The following GNAT2 variants were observed in gnomAD, a reference collection of about 807,000 sequenced individuals.
GNAT2 encodes the protein G protein subunit alpha transducin 2.
A neutral mutation model predicts 40.9 loss-of-function variants in GNAT2; 32 were observed. The ratio of observed to expected loss-of-function variants is 0.78; its 90% CI spans 0.59 to 1.05. The LOEUF (loss-of-function observed/expected upper bound fraction) is 1.05. Ranked by LOEUF, GNAT2 falls within the 50% of genes least tolerant of loss-of-function variation. GNAT2 has a pLI of 0.00. For missense variants in GNAT2, 355 were observed against 431.5 expected, an observed-to-expected ratio of 0.82 and a Z score of 1.57; for synonymous variants, 141 against 157.2, an observed-to-expected ratio of 0.90 and a Z score of 0.77.
At chr1:109,607,949 G>T in intron 5 of GNAT2, 1 of 161,892 alleles carries the variant, frequency 6.2e-6, no homozygotes, top group Non-Finnish European at 1.4e-5. Flanking sequence ...GAGACAGATG[G>T]TTAGGTTAAA....
intron 1 of GNAT2, among the ~76,000 whole-genome samples, chr1:109,618,853 C>T (rs1650036519): frequency 6.6e-6 from 1 of 152,024 alleles, no homozygotes; most frequent in African/African-American, 2.4e-5. Flanking sequence ...GAAAAGGGTT[C>T]AGGGTCCAGA....
intron 7 of GNAT2, 195 bp from the exon 8 acceptor site, chr1:109,604,299 TG>T (rs1209357835): frequency 3.3e-6 from 2 of 598,662 alleles, no homozygotes; most frequent in Admixed American, 2.8e-5. Context: ...CTAATAGCTG[TG>T]TGACTTGTGG....
rs1649580631 is a variant in GNAT2 at position 109,606,027 on chromosome 1, G to A, written c.663C>T (p.Ile221=). 6.2e-7 allele frequency: 1 copy of A among 1,612,476 alleles called. No individual in the cohort carries two copies. The highest frequency in any genetic ancestry group is 1.1e-5 in the South Asian group (1 of 91,050). Reference sequence around the variant, plus strand: ...AGGCACTGAGGGCTGCACAGAAAATGATGCAGGTGACTCCCTCGAAGCAGT... The same window carrying A: ...AGGCACTGAGGGCTGCACAGAAAATAATGCAGGTGACTCCCTCGAAGCAGT... ...WIHCFEGVTC[I]IFCAALSAYD... Residue 221 remains isoleucine, a synonymous_variant, in exon 7 of 9, where the codon ATC becomes ATT. Coordinates refer to ENST00000679935, the MANE Select transcript of GNAT2 (RefSeq NM_001377295.2).
At chr1:109,611,644 T>A (rs1014040878) in intron 2 of GNAT2, 1 of 152,146 alleles carries the variant, frequency 6.6e-6, no homozygotes, top group Non-Finnish European at 1.5e-5. Context: ...GAGTTTATAC[T>A]ACCCTAATGC....
At position 109,608,778 on chromosome 1, in the gene GNAT2, C is replaced by T. The variant is rs759770362; in HGVS notation, c.314G>A (p.Arg105Gln). 1.3e-5 allele frequency: 21 copies of T among 1,613,746 alleles called. No homozygotes were observed. Among genetic ancestry groups the T allele is most frequent in the Admixed American group, 5.0e-5 (3 of 60,002 alleles). ...YAEPSCADDG[R>Q]QLNNLADSIE... ...GGAGTCAGCCAGGTTGTTGAGCTGTCGCCCGTCATCCTGTAATGCAGAAAC... is the reference window on the plus strand; with the variant it reads ...GGAGTCAGCCAGGTTGTTGAGCTGTTGCCCGTCATCCTGTAATGCAGAAAC... The change falls in exon 5 of 9, where the codon CGA becomes CAA. Residue 105 changes from arginine (R) to glutamine (Q), a missense_variant. By Grantham distance (43) the Arg-to-Gln change is conservative (BLOSUM62 1). Transcript: ENST00000679935.
chr1:109,612,530 A>G lies in GNAT2; in HGVS notation c.118+223T>C. 8 of 561,550 alleles carry G rather than the reference A, an allele frequency of 1.4e-5. No individual in the cohort carries two copies. The South Asian group carries it at 1.5e-4, about 11-fold the overall frequency. 34.8% of individuals were successfully genotyped at this position (561,550 alleles called of 1,614,324 possible). A position where few individuals can be genotyped will look rare whatever the true frequency, so the allele number is the denominator to read the frequency against. On this transcript the variant is annotated intron_variant, in intron 2 of 8. Coordinates refer to ENST00000679935, the MANE Select transcript of GNAT2 (RefSeq NM_001377295.2). ...CACTATTCCTCGCTCAAGAGTAGAA[A>G]AACTCTGGAATAGCCTTGGCATTCT...
chr1:109,604,009 G>T lies in GNAT2; in HGVS notation c.816C>A (p.Asp272Glu), dbSNP rs913170121. ...CTTTCTTGATTTTTTCCTCAAAGAG[G>T]TCCTTCTTGTTGAGAAAGAGGACAA... ...TSIVLFLNKK[D>E]LFEEKIKKVH... The change falls in exon 8 of 9, where the codon GAC becomes GAA. Residue 272 changes from aspartate to glutamate, a missense_variant. By Grantham distance (45) the Asp-to-Glu change is conservative. Transcript: ENST00000679935. 3 of 1,609,762 alleles carry T rather than the reference G, an allele frequency of 1.9e-6. No homozygotes were observed. The highest frequency in any genetic ancestry group is 2.6e-6 in the Non-Finnish European group (3 of 1,176,092).
Position 109,609,133 on chromosome 1 carries a change from T to C in GNAT2, c.304-345A>G, listed in dbSNP as rs1245577988. On this transcript the variant is annotated intron_variant, in intron 4 of 8. Coordinates refer to ENST00000679935, the MANE Select transcript of GNAT2 (RefSeq NM_001377295.2). ...AGAGACTGAAAATGTAAAGGCCAGA[T>C]TGACCATGAAATAGACAAGATAGAA... 8 of 365,870 alleles carry C rather than the reference T, an allele frequency of 2.2e-5. No homozygotes were observed. In the Admixed American group the frequency reaches 2.3e-4, roughly 10 times the overall value. 22.7% of individuals were successfully genotyped at this position (365,870 alleles called of 1,614,324 possible).
At position 109,608,746 on chromosome 1, in the gene GNAT2, C is replaced by T; in HGVS notation, c.346G>A (p.Glu116Lys). ...ACGAGCTCAGGAGGCATGGTTCCCT[C>T]CTCAATGGAGTCAGCCAGGTTGTTG... ...QLNNLADSIE[E>K]GTMPPELVEV... The change falls in exon 5 of 9, where the codon GAG becomes AAG. Residue 116 changes from glutamate to lysine, a missense_variant. Transcript: ENST00000679935. The T allele has an allele frequency of 5.0e-6, 8 of 1,614,024 alleles. No homozygotes were observed. The highest frequency in any genetic ancestry group is 6.8e-6 in the Non-Finnish European group (8 of 1,179,882).
intron 1 of GNAT2, chr1:109,613,390 G>A: frequency 5.2e-6 from 1 of 191,078 alleles, no homozygotes; most frequent in Non-Finnish European, 1.1e-5. Flanking sequence ...AGGGCTTCAG[G>A]GTATCAAAGC....
At chr1:109,608,990 C>G in intron 4 of GNAT2, 1 of 636,568 alleles carries the variant, frequency 1.6e-6, no homozygotes, top group Non-Finnish European at 2.9e-6. Flanking sequence ...GCACTATACC[C>G]AGCCCTGGGG....
chr1:109,615,620 A>AGAAAAG (rs373024187), intron 1 of GNAT2: 7 of 126,804 alleles, frequency 5.5e-5, no homozygotes, highest in South Asian at 4.7e-4. Context: ...AAAAAAAAAA[A>AGAAAAG]AAAAGAAAAG....
At chr1:109,604,147 TAG>T in intron 7 of GNAT2, 43 bp from the exon 8 acceptor site, 1 of 1,474,256 alleles carries the variant, frequency 6.8e-7, no homozygotes, top group Non-Finnish European at 9.5e-7. Flanking sequence ...ATTTGGCTTA[TAG>T]AATATCTACC....
At chr1:109,608,449 A>G in intron 5 of GNAT2, 182 bp downstream of exon 5, 1 of 672,540 alleles carries the variant, frequency 1.5e-6, no homozygotes, top group Non-Finnish European at 2.7e-6. Context: ...AGATCTCCCC[A>G]TAGCATTAAA....
intron 1 of GNAT2, among the ~76,000 whole-genome samples, 159 bp downstream of exon 1, chr1:109,619,324 A>G (rs1180702042): frequency 1.3e-5 from 2 of 152,274 alleles, no homozygotes; most frequent in Non-Finnish European, 2.9e-5. Flanking sequence ...TACAGACGAA[A>G]TAGAAGCACA....
At chr1:109,610,443 T>G in intron 3 of GNAT2, 22 bp downstream of exon 3, 4 of 1,610,686 alleles carry the variant, frequency 2.5e-6, no homozygotes, top group Non-Finnish European at 3.4e-6. Flanking sequence ...ATCTTGTCTT[T>G]TGGGGCTTTG....
chr1:109,604,541 GGATGATTTT>G (rs1351984111), intron 7 of GNAT2: 2 of 192,524 alleles, frequency 1.0e-5, no homozygotes, highest in Non-Finnish European at 2.2e-5. Flanking sequence ...TGCATCTCCA[GGATGATTTT>G]GATAGGCTTC....
chr1:109,607,402 G>A lies in GNAT2; in HGVS notation c.462-966C>T, dbSNP rs377128375. ...GGAGGCAAAGCTGGCAGTGAGCCGA[G>A]ATTGCGCCACTGCACTCCAGCCTGG... On this transcript the variant is annotated intron_variant, in intron 5 of 8. Transcript: ENST00000679935. 5.4e-5 allele frequency: 8 copies of A among 147,504 alleles called. No homozygotes were observed. In the East Asian group the frequency reaches 9.9e-4, roughly 18 times the overall value. 9.1% of individuals were successfully genotyped at this position (147,504 alleles called of 1,614,324 possible).
In GNAT2 at chr1:109,610,100, G is replaced by A. The variant is rs200316722; in HGVS notation, c.243C>T (p.Ile81=). The stretch of plus-strand genomic sequence containing the variant: ...TGGTCATGGCCCGGATGATAGCCAG[G>A]ATGGACTGCAGCACATTTCCATAGA... ...AIIYGNVLQS[I]LAIIRAMTTL... is the part of the protein sequence containing the mutation. Residue 81 remains isoleucine, a synonymous_variant, in exon 4 of 9, where the codon ATC becomes ATT. Coordinates refer to ENST00000679935, the MANE Select transcript of GNAT2 (RefSeq NM_001377295.2). The A allele has an allele frequency of 4.3e-6, 7 of 1,613,780 alleles. No homozygotes were observed. The highest frequency in any genetic ancestry group is 5.9e-6 in the Non-Finnish European group (7 of 1,179,662).
Sources: allele counts gnomAD v4.1 joint callset (sites outside exome capture counted in the v4.1 genomes callset), GRCh38; gene constraint gnomAD v4.1.1; transcripts MANE v1.5; gene names NCBI Gene and HGNC (gene_info 2026-07-23, HGNC 2026-07-21).